The following DUOX1 variants were observed in gnomAD, a reference collection of about 807,000 sequenced individuals.
DUOX1 encodes NADPH thyroid oxidase 1.
A neutral mutation model predicts 181.8 loss-of-function variants in DUOX1; 134 were observed. The observed-to-expected ratio is 0.74, with a 90% confidence interval of 0.64 to 0.85. The LOEUF (loss-of-function observed/expected upper bound fraction) is 0.85. Among genes scored for constraint, DUOX1 ranks in the 40% least tolerant of loss-of-function variants. The probability of loss-of-function intolerance (pLI) is 0.00; values close to 1 mark genes in which losing one functional copy is unlikely to be tolerated. For synonymous variants in DUOX1, 798 were observed against 832.5 expected, an observed-to-expected ratio of 0.96 and a Z score of 0.71; for missense variants, 1,814 against 2,064.4, an observed-to-expected ratio of 0.88 and a Z score of 2.35.
In DUOX1 at chr15:45,152,390, A is replaced by T; in HGVS notation, c.3298A>T (p.Ile1100Phe). The change falls in exon 25 of 34, where the codon ATC becomes TTC. Residue 1100 changes from isoleucine to phenylalanine, a missense_variant. Transcript: ENST00000389037. ...AASISFMFSY[I>F]LLTMCRNLIT... Reference sequence around the variant, plus strand: ...CAGCATCTCTTTCATGTTCTCCTACATCTTGCTCACCATGTGCCGCAACCT... The same window carrying T: ...CAGCATCTCTTTCATGTTCTCCTACTTCTTGCTCACCATGTGCCGCAACCT... 1 of 1,614,164 alleles carries T rather than the reference A, an allele frequency of 6.2e-7. No individual in the cohort carries two copies. Among genetic ancestry groups the T allele is most frequent in the African/African-American group, 1.3e-5 (1 of 75,028 alleles).
chr15:45,134,131 C>A lies in DUOX1; in HGVS notation c.143-14C>A. On this transcript the variant is annotated splice_polypyrimidine_tract_variant and intron_variant, in intron 3 of 33. Coordinates refer to ENST00000389037, the MANE Select transcript of DUOX1 (RefSeq NM_175940.3). The stretch of plus-strand genomic sequence containing the variant: ...CCTGAAGATTCATCCTTATCCTTAC[C>A]CCTCCTACCCCAGGCTCCCGGCTGC... 2 of 1,546,256 alleles carry A rather than the reference C, an allele frequency of 1.3e-6. No homozygotes were observed. The highest frequency in any genetic ancestry group is 1.7e-6 in the Non-Finnish European group (2 of 1,151,472).
Position 45,137,906 on chromosome 15 carries a change from C to T in DUOX1, c.1023-18C>T, listed in dbSNP as rs1896370149. ...CCCCATTATCTCAATCACCATCTCC[C>T]TGCTCCTTGCATTTCAGAAATGCCA... On this transcript the variant is annotated intron_variant, in intron 9 of 33. Transcript: ENST00000389037. The T allele has an allele frequency of 3.8e-6, 6 of 1,590,476 alleles. No homozygotes were observed. Among genetic ancestry groups the T allele is most frequent in the Non-Finnish European group, 5.1e-6 (6 of 1,165,868 alleles).
At chr15:45,136,193 T>A (rs1447418607) in intron 7 of DUOX1, among the ~76,000 whole-genome samples, 157 bp from the exon 8 acceptor site, 1 of 152,168 alleles carries the variant, frequency 6.6e-6, no homozygotes, top group East Asian at 1.9e-4. Context: ...TGGTTCCTTG[T>A]GGGGACAGGC....
At chr15:45,160,764 C>A in intron 28 of DUOX1, 73 bp from the exon 29 acceptor site, 1 of 1,478,172 alleles carries the variant, frequency 6.8e-7, no homozygotes, top group South Asian at 1.4e-5. Flanking sequence ...TATGGAGGGT[C>A]TAAGGCCTGA....
intron 23 of DUOX1, among the ~76,000 whole-genome samples, chr15:45,151,564 GC>G (rs1198824393): frequency 2.0e-5 from 3 of 152,144 alleles, no homozygotes; most frequent in Non-Finnish European, 2.9e-5. Context: ...GAATATGGGC[GC>G]CGGGTGGGAG....
chr15:45,164,690 T>G (rs1036921143), intron 33 of DUOX1, 89 bp from the exon 34 acceptor site: 8 of 1,483,720 alleles, frequency 5.4e-6, no homozygotes, highest in Non-Finnish European at 7.5e-6. Context: ...AGGCTGGTCT[T>G]GAACTAGGGA....
rs1363299800 is a variant in DUOX1 at position 45,135,675 on chromosome 15, G to A, written c.697G>A (p.Ala233Thr). Residue 233 changes from alanine to threonine, a missense_variant and splice_region_variant, in exon 6 of 34, where the codon GCC (alanine) becomes ACC (threonine). This residue lies in a region of DUOX1 where 27 missense variants were observed against 90.8 expected (regional missense o/e 0.30). Coordinates refer to ENST00000389037, the MANE Select transcript of DUOX1 (RefSeq NM_175940.3). The stretch of plus-strand genomic sequence containing the variant: ...GCAGAACGGGCCCCGGGGGCTGTAC[G>A]GTGAGGCCACAGGGGCGGGACGGGG... ...TGQNGPRGLYAFGAERGNREP... is the reference protein window; with the variant it reads ...TGQNGPRGLYTFGAERGNREP... The A allele has an allele frequency of 8.1e-6, 12 of 1,476,132 alleles. No homozygotes were observed. Among genetic ancestry groups the A allele is most frequent in the Non-Finnish European group, 1.1e-5 (12 of 1,114,038 alleles). 91.4% of individuals were successfully genotyped at this position (1,476,132 alleles called of 1,614,324 possible). A position where few individuals can be genotyped will look rare whatever the true frequency, so the allele number is the denominator to read the frequency against.
At position 45,163,850 on chromosome 15, in the gene DUOX1, T is replaced by A. The variant is rs1567023061; in HGVS notation, c.4465T>A (p.Ser1489Thr). The A allele has an allele frequency of 6.2e-7, 1 of 1,614,006 alleles. No individual in the cohort carries two copies. The highest frequency in any genetic ancestry group is 1.3e-5 in the African/African-American group (1 of 74,898). The change falls in exon 33 of 34, where the codon TCC becomes ACC. Residue 1489 changes from serine (S) to threonine (T), a missense_variant. Coordinates refer to ENST00000389037, the MANE Select transcript of DUOX1 (RefSeq NM_175940.3). ...LNRSLFTGLR[S>T]ITHFGRPPFE... The stretch of plus-strand genomic sequence containing the variant: ...CCGGAGTCTATTCACAGGCCTGCGC[T>A]CCATCACCCACTTTGGCCGTCCCCC...
rs772903384 is a variant in DUOX1 at position 45,139,145 on chromosome 15, A to G, written c.1193A>G (p.His398Arg). Reference sequence around the variant, plus strand: ...TCCCAGATCGCAGAGCGAGAGGACCATGTGTTGGTTGAAGATGTGCGGGGT... The same window carrying G: ...TCCCAGATCGCAGAGCGAGAGGACCGTGTGTTGGTTGAAGATGTGCGGGGT... ...MASQIAERED[H>R]VLVEDVRDFW... The change falls in exon 11 of 34, where the codon CAT becomes CGT. Residue 398 changes from histidine to arginine, a missense_variant. By Grantham distance (29) the His-to-Arg change is conservative (BLOSUM62 0). Coordinates refer to ENST00000389037, the MANE Select transcript of DUOX1 (RefSeq NM_175940.3). The G allele has an allele frequency of 6.2e-7, 1 of 1,614,154 alleles. No homozygotes were observed. The highest frequency in any genetic ancestry group is 1.1e-5 in the South Asian group (1 of 91,084).
In DUOX1 at chr15:45,143,245, G is replaced by C; in HGVS notation, c.1878G>C (p.Arg626Ser). ...VARLRMRNFK[R>S]LQGQDRQSIV... ...GGCTCCGGATGAGAAATTTCAAGAG[G>C]CTCCAGGGCCAGGACCGCCAGAGCA... Residue 626 changes from arginine (R) to serine (S), a missense_variant, in exon 16 of 34, where the codon AGG (arginine) becomes AGC (serine). Coordinates refer to ENST00000389037, the MANE Select transcript of DUOX1 (RefSeq NM_175940.3). 1 of 1,614,124 alleles carries C rather than the reference G, an allele frequency of 6.2e-7. No individual in the cohort carries two copies. Among genetic ancestry groups the C allele is most frequent in the South Asian group, 1.1e-5 (1 of 91,084 alleles).
At chr15:45,133,615 C>T (rs1302540722) in intron 2 of DUOX1, among the ~76,000 whole-genome samples, 1 of 152,200 alleles carries the variant, frequency 6.6e-6, no homozygotes, top group Non-Finnish European at 1.5e-5. Context: ...TCAGCACACT[C>T]TGCTCCCTGC....
chr15:45,130,596 C>T (rs972989009), intron 1 of DUOX1, among the ~76,000 whole-genome samples: 1 of 152,200 alleles, frequency 6.6e-6, no homozygotes, highest in South Asian at 2.1e-4. Flanking sequence ...TGGGGCTTCA[C>T]TGCCCTGTCC....
intron 5 of DUOX1, 33 bp from the exon 6 acceptor site, chr15:45,135,441 T>A (rs1248857563): frequency 1.3e-6 from 2 of 1,538,138 alleles, no homozygotes; most frequent in Non-Finnish European, 1.7e-6. Flanking sequence ...CCGCCGCCCA[T>A]CGACCCGGGC....
In DUOX1 at chr15:45,152,452, C is replaced by A. The variant is rs750310123; in HGVS notation, c.3360C>A (p.Tyr1120Ter). The change falls in exon 25 of 34, where the codon TAC becomes TAA. Residue 1120 changes from tyrosine (Y) to a stop codon, truncating the protein, a stop_gained. Transcript: ENST00000389037. LOFTEE classifies it high-confidence loss of function. The stretch of plus-strand genomic sequence containing the variant: ...TGCGAGAAACCTTCCTCAACCGCTA[C>A]GTGCCCTTCGACGCCGCCGTGGACT... Reference protein sequence around the residue: ...TFLRETFLNRYVPFDAAVDFH... With the variant: ...TFLRETFLNR The A allele has an allele frequency of 1.2e-6, 2 of 1,614,216 alleles. No individual in the cohort carries two copies. The highest frequency in any genetic ancestry group is 1.1e-5 in the South Asian group (1 of 91,088).
rs780787189 is a variant in DUOX1 at position 45,139,620 on chromosome 15, A to G, written c.1389+21A>G. On this transcript the variant is annotated intron_variant, in intron 12 of 33. Transcript: ENST00000389037. ...ACACTGTGAGGAGGGGTCAGGACCC[A>G]GAGGGTAGGGCGGGAGGGACAAGGC... is the stretch of plus-strand genomic sequence containing the variant. 7 of 1,392,036 alleles carry G rather than the reference A, an allele frequency of 5.0e-6. No individual in the cohort carries two copies. The African/African-American group carries it at 1.0e-4, about 20-fold the overall frequency. The allele number at this position is 1,392,036 out of a possible 1,614,324, so 86.2% of individuals were successfully genotyped here. A position where few individuals can be genotyped will look rare whatever the true frequency, so the allele number is the denominator to read the frequency against.
rs771552492 is a variant in DUOX1 at position 45,155,922 on chromosome 15, A to G, written c.3695A>G (p.Tyr1232Cys). The change falls in exon 28 of 34, where the codon TAT becomes TGT. Residue 1232 changes from tyrosine to cysteine, a missense_variant. Transcript: ENST00000389037. The stretch of plus-strand genomic sequence containing the variant: ...ACCCACCACCTCTACATCCTGCTCT[A>G]TGTCCTGGTGAGGGCTTTTGGCTGT... Reference protein sequence around the residue: ...WLTHHLYILLYVLLIIHGSFA... With the variant: ...WLTHHLYILLCVLLIIHGSFA... 1 of 1,613,848 alleles carries G rather than the reference A, an allele frequency of 6.2e-7. No individual in the cohort carries two copies. The highest frequency in any genetic ancestry group is 1.7e-5 in the Admixed American group (1 of 59,990).
Position 45,151,268 on chromosome 15 carries a change from T to G in DUOX1, c.3014+20T>G. ...CAAGAAGTATGTCTGCTCTTCCCCT[T>G]AAGCCCAGGCAGTTCATCCATTCCT... On this transcript the variant is annotated intron_variant, in intron 23 of 33. Transcript: ENST00000389037. 6.2e-7 allele frequency: 1 copy of G among 1,611,254 alleles called. No individual in the cohort carries two copies. Among genetic ancestry groups the G allele is most frequent in the Non-Finnish European group, 8.5e-7 (1 of 1,178,436 alleles).
chr15:45,134,942 A>G (rs1033733276), intron 4 of DUOX1, among the ~76,000 whole-genome samples, 162 bp from the exon 5 acceptor site: 13 of 152,172 alleles, frequency 8.5e-5, no homozygotes, highest in African/African-American at 3.1e-4. Context: ...GACAGAAGAG[A>G]CAAACAACTG....
chr15:45,149,487 C>T (rs771259621), intron 21 of DUOX1, among the ~76,000 whole-genome samples: 2 of 152,156 alleles, frequency 1.3e-5, no homozygotes, highest in Non-Finnish European at 2.9e-5. Flanking sequence ...AAGATTAGCA[C>T]TGAGTATTGT....
Sources: gnomAD v4.1 joint callset for allele counts (sites outside exome capture counted in the v4.1 genomes callset) on GRCh38, gnomAD v4.1.1 for gene constraint, gnomAD v4.1.1 regional missense constraint, MANE v1.5 for transcripts, NCBI Gene and HGNC (gene_info 2026-07-23, HGNC 2026-07-21) for gene names.